The following ZNF717 variants were observed in gnomAD, a reference collection of about 807,000 sequenced individuals.
The protein encoded by ZNF717 is zinc finger protein 717, also known as krueppel-like factor X17.
Under a neutral mutation model 13.8 loss-of-function variants are expected in ZNF717, and 9 were observed. That is an observed-to-expected ratio of 0.65 (90% CI 0.39 to 1.14). The LOEUF is 1.14. ZNF717 is among the 50% of genes most tolerant of loss of function. The pLI, the probability that ZNF717 is intolerant of heterozygous loss-of-function variation, is 0.01. For missense variants in ZNF717, 1,040 were observed against 1,080.7 expected, an observed-to-expected ratio of 0.96 and a Z score of 0.53; for synonymous variants, 327 against 364.1, an observed-to-expected ratio of 0.90 and a Z score of 1.16.
At chr3:75,742,367 T>G (rs1348836478) in intron 2 of ZNF717, among the ~76,000 whole-genome samples, 1 of 134,788 alleles carries the variant, frequency 7.4e-6, no homozygotes, top group East Asian at 2.5e-4. Context: ...TCAAAGGAGC[T>G]CATGATCTGG....
rs550407723 is a variant in ZNF717, at chr3:75,723,695, G to A, written n.545-7154C>T. Among the ~76,000 whole-genome samples the A allele has an allele frequency of 3.3e-5, 5 of 152,310 alleles. No homozygotes were observed. In the South Asian group the frequency reaches 1.0e-3, roughly 32 times the overall value. On this transcript the variant is annotated intron_variant and non_coding_transcript_variant, in intron 4 of 5. Coordinates refer to the ZNF717 transcript ENST00000491507. ...TCATGCCCGGACACAGCCACCAGAGGGCTCCCTGGTCTAGCGGTAACACCA... is the reference window on the plus strand; with the variant it reads ...TCATGCCCGGACACAGCCACCAGAGAGCTCCCTGGTCTAGCGGTAACACCA...
chr3:75,759,300 G>A (rs1484257539), intron 2 of ZNF717, among the ~76,000 whole-genome samples: 1 of 149,214 alleles, frequency 6.7e-6, no homozygotes, highest in African/African-American at 2.5e-5. Context: ...TTTTGAGACG[G>A]AGTCTTGCTC....
chr3:75,726,855 T>C (rs1365328132), downstream of ZNF717, among the ~76,000 whole-genome samples: 2 of 151,984 alleles, frequency 1.3e-5, no homozygotes, highest in African/African-American at 4.8e-5. Flanking sequence ...CCACTGATGC[T>C]CAAGTCTTAT....
chr3:75,743,188 C>T (rs1252949761), intron 2 of ZNF717, among the ~76,000 whole-genome samples: 4 of 152,304 alleles, frequency 2.6e-5, no homozygotes, highest in Non-Finnish European at 4.4e-5. Context: ...ATCAGTAAGC[C>T]ATGCATGACT....
chr3:75,774,645 G>C (rs1944168676), intron 2 of ZNF717, among the ~76,000 whole-genome samples: 1 of 114,270 alleles, frequency 8.8e-6, no homozygotes, highest in Non-Finnish European at 1.7e-5. Flanking sequence ...TTCTGAGACA[G>C]AGTCTTGCTC....
At chr3:75,759,865 G>A (rs57792153) in intron 2 of ZNF717, among the ~76,000 whole-genome samples, 17,619 of 98,082 alleles carry the variant, frequency 0.18, 1,135 homozygotes, top group African/African-American at 0.27. Context: ...CACTGTACCC[G>A]GCAATTTTTA....
At chr3:75,722,708 G>A (rs2106869328) in intron 4 of ZNF717, among the ~76,000 whole-genome samples, 1 of 149,572 alleles carries the variant, frequency 6.7e-6, no homozygotes, top group South Asian at 2.1e-4. Context: ...CAGCTATTTG[G>A]GAGGCGGAGG....
chr3:75,729,767 C>T (rs1419048985), downstream of ZNF717, among the ~76,000 whole-genome samples: 2 of 152,126 alleles, frequency 1.3e-5, no homozygotes, highest in Admixed American at 6.5e-5. Flanking sequence ...AGCTTTTTAT[C>T]TTGGAGCCAT....
downstream of ZNF717, among the ~76,000 whole-genome samples, chr3:75,726,542 C>T (rs1474643319): frequency 6.6e-6 from 1 of 152,254 alleles, no homozygotes; most frequent in East Asian, 1.9e-4. Context: ...TTGTTTAGCA[C>T]TTCCATGTGA....
At chr3:75,716,411 G>A (rs1204316572) in intron 5 of ZNF717, 2 of 152,086 alleles carry the variant, frequency 1.3e-5, no homozygotes, top group Admixed American at 1.3e-4. Flanking sequence ...ATTCCAGAAA[G>A]GACTTACCAG....
Position 75,738,396 on chromosome 3 carries a change from G to A in ZNF717, c.1227C>T (p.Tyr409=), listed in dbSNP as rs1415610461. Residue 409 remains tyrosine, a synonymous_variant, in exon 5 of 5, where the codon TAC becomes TAT. Coordinates refer to ENST00000652011, the MANE Select transcript of ZNF717 (RefSeq NM_001290208.3). ...TGTGAGTTCTATGATGTATTGTGAG[G>A]TATGACTTCTGGCTAAAGGTTTTTC... ...ECGKTFSQKS[Y]LTIHHRTHTG... 5.2e-6 allele frequency: 8 copies of A among 1,533,518 alleles called. No individual in the cohort carries two copies. In the African/African-American group the frequency reaches 6.9e-5, roughly 13 times the overall value. 95.0% of individuals were successfully genotyped at this position (1,533,518 alleles called of 1,614,324 possible). A position where few individuals can be genotyped will look rare whatever the true frequency, so the allele number is the denominator to read the frequency against.
At position 75,737,306 on chromosome 3, in the gene ZNF717, G is replaced by C; in HGVS notation, c.2317C>G (p.Leu773Val). 1 of 1,552,656 alleles carries C rather than the reference G, an allele frequency of 6.4e-7. No individual in the cohort carries two copies. Among genetic ancestry groups the C allele is most frequent in the Non-Finnish European group, 8.7e-7 (1 of 1,147,638 alleles). Reference sequence around the variant, plus strand: ...GAGTGAGTCCCCTGATGCGTACTGAGGTTTGACTTGTGACAAAAGGTTTTC... The same window carrying C: ...GAGTGAGTCCCCTGATGCGTACTGACGTTTGACTTGTGACAAAAGGTTTTC... ...CGKTFCHKSN[L>V]STHQGTHSGE... The change falls in exon 5 of 5, where the codon CTC becomes GTC. Residue 773 changes from leucine to valine, a missense_variant. By Grantham distance (32) the Leu-to-Val change is conservative. Around this residue, in one of 3 missense-constraint regions of ZNF717, gnomAD observed 873 missense variants for 832.8 expected, o/e 1.05. Transcript: ENST00000652011.
chr3:75,737,129 G>A lies in ZNF717; in HGVS notation c.2494C>T (p.His832Tyr), dbSNP rs1366630017. The stretch of plus-strand genomic sequence containing the variant: ...TTTTCCCCTGTGTGAGTTCTGTGAT[G>A]TACAAAGAGTTTTGACTTCTGGGAG... Reference protein sequence around the residue: ...TFSQKSKLFVHHRTHTGEKPF... With the variant: ...TFSQKSKLFVYHRTHTGEKPF... The change falls in exon 5 of 5, where the codon CAT becomes TAT. Residue 832 changes from histidine (H) to tyrosine (Y), a missense_variant. By Grantham distance (83) the His-to-Tyr change is moderately conservative. Coordinates refer to ENST00000652011, the MANE Select transcript of ZNF717 (RefSeq NM_001290208.3). 68 of 1,567,642 alleles carry A rather than the reference G, an allele frequency of 4.3e-5. No individual in the cohort carries two copies. Among genetic ancestry groups the A allele is most frequent in the Admixed American group, 5.7e-5 (3 of 52,438 alleles).
intron 2 of ZNF717, among the ~76,000 whole-genome samples, chr3:75,782,295 A>C (rs1333977517): frequency 6.6e-6 from 1 of 152,254 alleles, no homozygotes; most frequent in African/African-American, 2.4e-5. Context: ...AGGCTGCTGC[A>C]CACCCTGCAT....
chr3:75,735,810 G>GT (rs1939112135), downstream of ZNF717: 1 of 71,082 alleles, frequency 1.4e-5, no homozygotes, highest in African/African-American at 5.5e-5. Flanking sequence ...GAATGTCAAT[G>GT]GTCTAAATGC....
chr3:75,723,527 T>C (rs1938212229), intron 4 of ZNF717, among the ~76,000 whole-genome samples: 1 of 152,284 alleles, frequency 6.6e-6, no homozygotes, highest in Admixed American at 6.5e-5. Flanking sequence ...TAATAATCAT[T>C]AGTTTGTAGC....
At chr3:75,781,864 C>T (rs1369383983) in intron 2 of ZNF717, among the ~76,000 whole-genome samples, 3 of 152,134 alleles carry the variant, frequency 2.0e-5, no homozygotes, top group Admixed American at 1.3e-4. Context: ...GAATTTAAAG[C>T]CCCTGCACCT....
chr3:75,766,794 A>G (rs1324275363), intron 2 of ZNF717, among the ~76,000 whole-genome samples: 2 of 152,274 alleles, frequency 1.3e-5, no homozygotes, highest in Non-Finnish European at 2.9e-5. Context: ...TGTTGTCTCA[A>G]CACTTGAAAT....
chr3:75,734,295 T>C (rs1258598065), downstream of ZNF717, among the ~76,000 whole-genome samples: 1 of 152,010 alleles, frequency 6.6e-6, no homozygotes, highest in Non-Finnish European at 1.5e-5. Context: ...GGTCTTGAAT[T>C]CCTAACCTCA....
Sources: gnomAD v4.1 joint callset for allele counts (sites outside exome capture counted in the v4.1 genomes callset) on GRCh38, gnomAD v4.1.1 for gene constraint, gnomAD v4.1.1 regional missense constraint, MANE v1.5 for transcripts, NCBI Gene and HGNC (gene_info 2026-07-23, HGNC 2026-07-21) for gene names.